Variants in YJU2B observed in about 807,000 individuals in gnomAD.
The protein encoded by YJU2B is probable splicing factor YJU2B.
Under a neutral mutation model 38.0 loss-of-function variants are expected in YJU2B, and 18 were observed. That is an observed-to-expected ratio of 0.47 (90% CI 0.33 to 0.70). YJU2B has a LOEUF of 0.70. Among genes scored for constraint, YJU2B ranks in the 30% least tolerant of loss-of-function variants. YJU2B has a pLI of 0.02. For synonymous variants in YJU2B, 246 were observed against 225.4 expected, an observed-to-expected ratio of 1.09 and a Z score of -0.82; for missense variants, 538 against 556.3, an observed-to-expected ratio of 0.97 and a Z score of 0.33.
At position 13,759,270 on chromosome 19, in the gene YJU2B, C is replaced by A; in HGVS notation, c.571C>A (p.Arg191=). The A allele has an allele frequency of 6.2e-7, 1 of 1,601,958 alleles. No homozygotes were observed. Among genetic ancestry groups the A allele is most frequent in the East Asian group, 2.2e-5 (1 of 44,540 alleles). The stretch of plus-strand genomic sequence containing the variant: ...CAACAGCATGCTGCGGAGAAGGTTC[C>A]GGGTGAGGGGGGCTCCAGCCCGGGG... The part of the protein sequence containing the change: ...ALNSMLRRRF[R]EKKKAIQEEE... The change falls in exon 8 of 10, where the codon CGG becomes AGG. Residue 191 remains arginine (R), a splice_region_variant and synonymous_variant. Transcript: ENST00000221554.
At chr19:13,756,675 A>G (rs554199577) in intron 4 of YJU2B, among the ~76,000 whole-genome samples, 1 of 152,228 alleles carries the variant, frequency 6.6e-6, no homozygotes, top group African/African-American at 2.4e-5. Context: ...TAGGACTCTC[A>G]AAAAAGACAG....
At chr19:13,760,880 T>A (rs1973861955) in intron 8 of YJU2B, among the ~76,000 whole-genome samples, 1 of 152,058 alleles carries the variant, frequency 6.6e-6, no homozygotes. Context: ...GCAATTCTCC[T>A]GCCTCAGCCT....
chr19:13,741,654 T>C (rs1973098754), intron 2 of YJU2B, among the ~76,000 whole-genome samples: 1 of 151,960 alleles, frequency 6.6e-6, no homozygotes, highest in Non-Finnish European at 1.5e-5. Flanking sequence ...TGAGGACGGC[T>C]TGAACCTGGG....
chr19:13,740,685 C>T (rs536417874), intron 2 of YJU2B, among the ~76,000 whole-genome samples: 2 of 152,138 alleles, frequency 1.3e-5, no homozygotes, highest in East Asian at 1.9e-4. Context: ...TACATGCGTG[C>T]GCCACCACGC....
chr19:13,758,817 T>C (rs1599532166), intron 6 of YJU2B, 51 bp from the exon 7 acceptor site: 4 of 1,606,888 alleles, frequency 2.5e-6, no homozygotes, highest in Non-Finnish European at 3.4e-6. Context: ...GACAGGGCTG[T>C]CCTGGTGCAC....
Position 13,762,386 on chromosome 19 carries a change from A to T in YJU2B, c.661A>T (p.Thr221Ser). Residue 221 changes from threonine to serine, a missense_variant, in exon 9 of 10, where the codon ACG (threonine) becomes TCG (serine). Coordinates refer to ENST00000221554, the MANE Select transcript of YJU2B (RefSeq NM_030818.4). The stretch of plus-strand genomic sequence containing the variant: ...CCTGACCATCCCGCTGGTGCCCGAG[A>T]CGGAAGATGACCGCAAGCTGGCGGC... ...ASLTIPLVPE[T>S]EDDRKLAALL... 6.2e-7 allele frequency: 1 copy of T among 1,613,764 alleles called. No individual in the cohort carries two copies. Among genetic ancestry groups the T allele is most frequent in the Non-Finnish European group, 8.5e-7 (1 of 1,180,002 alleles).
Position 13,751,877 on chromosome 19 carries a change from C to T in YJU2B, c.3+66C>T, listed in dbSNP as rs147269731. On this transcript the variant is annotated intron_variant, in intron 2 of 9. Coordinates refer to ENST00000221554, the MANE Select transcript of YJU2B (RefSeq NM_030818.4). ...TCTTTGTAGGACCCTGGAAGCAGCC[C>T]CTCCTCCCCTCCCAGAGCTCTAAGA... 5,979 of 1,443,038 alleles carry T rather than the reference C, an allele frequency of 4.1e-3. 22 individuals are homozygous for T. The highest frequency in any genetic ancestry group is 5.2e-3 in the Non-Finnish European group (5,296 of 1,024,288). 89.4% of individuals were successfully genotyped at this position (1,443,038 alleles called of 1,614,324 possible). A position where few individuals can be genotyped will look rare whatever the true frequency, so the allele number is the denominator to read the frequency against.
intron 2 of YJU2B, among the ~76,000 whole-genome samples, chr19:13,737,688 G>C (rs1972990001): frequency 6.6e-6 from 1 of 151,292 alleles, no homozygotes; most frequent in African/African-American, 2.4e-5. Context: ...AGGAGGCTGA[G>C]GCAGGGGAAT....
At chr19:13,761,161 C>T (rs1240782963) in intron 8 of YJU2B, among the ~76,000 whole-genome samples, 2 of 151,560 alleles carry the variant, frequency 1.3e-5, no homozygotes, top group African/African-American at 2.4e-5. Context: ...AGGCGGATCA[C>T]GAGGTCAGGA....
chr19:13,733,702 C>T (rs1487788335), intron 2 of YJU2B, among the ~76,000 whole-genome samples: 1 of 152,056 alleles, frequency 6.6e-6, no homozygotes, highest in Non-Finnish European at 1.5e-5. Context: ...ACCTGGGCAA[C>T]GAGAGTGAAA....
intron 1 of YJU2B, among the ~76,000 whole-genome samples, chr19:13,749,436 G>C (rs564420298): frequency 2.6e-5 from 4 of 152,144 alleles, no homozygotes; most frequent in Non-Finnish European, 5.9e-5. Context: ...AGCTACGCCC[G>C]TTCATTTATA....
At chr19:13,748,426 C>T (rs1443087546) in intron 1 of YJU2B, among the ~76,000 whole-genome samples, 8 of 151,964 alleles carry the variant, frequency 5.3e-5, no homozygotes, top group Admixed American at 2.0e-4. Flanking sequence ...AGATAGGAAG[C>T]AGCAGGGTGG....
intron 1 of YJU2B, among the ~76,000 whole-genome samples, chr19:13,750,390 C>A (rs1011689172): frequency 1.3e-5 from 2 of 152,072 alleles, no homozygotes; most frequent in African/African-American, 4.8e-5. Flanking sequence ...TCACACTCGG[C>A]TAATTTTTGT....
At position 13,755,459 on chromosome 19, in the gene YJU2B, C is replaced by CAAA. The variant is rs35675919; in HGVS notation, c.58-721_58-719dup. On this transcript the variant is annotated intron_variant, in intron 3 of 9. Transcript: ENST00000221554. ...CTAGTGACAGAGCGAGACTCTGTCT[C>CAAA]AAAAAAAAAAAAAAAAAAATAAGGT... Among the ~76,000 whole-genome samples, 165 of 114,998 alleles carry CAAA rather than the reference C, an allele frequency of 1.4e-3. 1 individual carries two copies. The highest frequency in any genetic ancestry group is 4.8e-3 in the African/African-American group (158 of 33,174). The allele number at this position is 114,998 out of a possible 152,430, so 75.4% of individuals were successfully genotyped here.
rs1481420759 is a variant in YJU2B, at chr19:13,762,921, C to T, written c.1044C>T (p.Ser348=). The change falls in exon 10 of 10, where the codon AGC becomes AGT. Residue 348 remains serine, a synonymous_variant. Transcript: ENST00000221554. Reference sequence around the variant, plus strand: ...CAACTGAGACCCCCAAGTGCAGCAGCCCGAGGGGGCAGGAAGGGAGCCGTC... The same window carrying T: ...CAACTGAGACCCCCAAGTGCAGCAGTCCGAGGGGGCAGGAAGGGAGCCGTC... ...PETTETPKCS[S]PRGQEGSRQD... 1 of 1,611,838 alleles carries T rather than the reference C, an allele frequency of 6.2e-7. No individual in the cohort carries two copies. The highest frequency in any genetic ancestry group is 1.3e-5 in the African/African-American group (1 of 75,012).
In YJU2B at chr19:13,762,999, C is replaced by A; in HGVS notation, c.1122C>A (p.Pro374=). 6.2e-7 allele frequency: 1 copy of A among 1,605,452 alleles called. No homozygotes were observed. Residue 374 remains proline (P), a synonymous_variant, in exon 10 of 10, where the codon CCC becomes CCA. Coordinates refer to ENST00000221554, the MANE Select transcript of YJU2B (RefSeq NM_030818.4). ...AGSSQEAADT[P]DTRHPCSLGS... ...CCTCCCAGGAGGCAGCTGACACCCCCGACACGCGGCACCCCTGCAGTCTCG... is the reference window on the plus strand; with the variant it reads ...CCTCCCAGGAGGCAGCTGACACCCCAGACACGCGGCACCCCTGCAGTCTCG...
intron 2 of YJU2B, among the ~76,000 whole-genome samples, chr19:13,737,079 G>A (rs534307981): frequency 6.6e-6 from 1 of 151,542 alleles, no homozygotes; most frequent in Admixed American, 6.6e-5. Context: ...CCATGCTGGA[G>A]TGCAGTGGCA....
chr19:13,762,625 A>T lies in YJU2B; in HGVS notation c.748A>T (p.Ile250Phe). ...EDKQKLKRTE[I>F]ISRSWFPSAP... ...CAAGCAGAAACTCAAGCGGACCGAGATCATCAGCCGCTCCTGGTTCCCCTC... is the reference window on the plus strand; with the variant it reads ...CAAGCAGAAACTCAAGCGGACCGAGTTCATCAGCCGCTCCTGGTTCCCCTC... The change falls in exon 10 of 10, where the codon ATC (isoleucine) becomes TTC (phenylalanine). Residue 250 changes from isoleucine (I) to phenylalanine (F), a missense_variant. By Grantham distance (21) the Ile-to-Phe change is conservative. Around this residue, in one of 2 missense-constraint regions of YJU2B, gnomAD observed 488 missense variants for 469.5 expected, o/e 1.04. Transcript: ENST00000221554. 3 of 1,534,506 alleles carry T rather than the reference A, an allele frequency of 2.0e-6. No homozygotes were observed. Among genetic ancestry groups the T allele is most frequent in the Non-Finnish European group, 2.6e-6 (3 of 1,149,366 alleles).
intron 2 of YJU2B, among the ~76,000 whole-genome samples, chr19:13,739,599 C>T (rs190052390): frequency 6.6e-6 from 1 of 152,218 alleles, no homozygotes; most frequent in African/African-American, 2.4e-5. Flanking sequence ...CCTTTGTGGG[C>T]CACAGAGATC....
Sources: gnomAD v4.1 joint callset for allele counts (sites outside exome capture counted in the v4.1 genomes callset) on GRCh38, gnomAD v4.1.1 for gene constraint, gnomAD v4.1.1 regional missense constraint, MANE v1.5 for transcripts, NCBI Gene and HGNC (gene_info 2026-07-23, HGNC 2026-07-21) for gene names.